The following THSD7B variants were observed in gnomAD, a reference collection of about 807,000 sequenced individuals.
THSD7B encodes thrombospondin type-1 domain-containing protein 7B.
THSD7B carries 138 observed loss-of-function variants against 213.6 expected under a neutral mutation model. The ratio of observed to expected loss-of-function variants is 0.65; its 90% CI spans 0.56 to 0.74. THSD7B has a LOEUF of 0.74. Ranked by LOEUF, THSD7B falls within the 30% of genes least tolerant of loss-of-function variation. The pLI, the probability that THSD7B is intolerant of heterozygous loss-of-function variation, is 0.00. For missense variants in THSD7B, 1,931 were observed against 1,991.5 expected (o/e 0.97, Z 0.58); for synonymous variants, 742 against 687.0 (o/e 1.08, Z -1.25).
chr2:137,521,787 G>A (rs1573682611), intron 15 of THSD7B, among the ~76,000 whole-genome samples: 1 of 152,142 alleles, frequency 6.6e-6, no homozygotes, highest in African/African-American at 2.4e-5. Flanking sequence ...TTAGCATATG[G>A]TCACCATGTC....
chr2:137,117,400 C>T, intron 5 of THSD7B, among the ~76,000 whole-genome samples: 1 of 151,988 alleles, frequency 6.6e-6, no homozygotes, highest in South Asian at 2.1e-4. Context: ...TTTTATCTGT[C>T]AATGCAATAA....
chr2:137,229,993 A>G (rs1681601486), intron 7 of THSD7B, among the ~76,000 whole-genome samples: 1 of 152,182 alleles, frequency 6.6e-6, no homozygotes, highest in Non-Finnish European at 1.5e-5. Context: ...CCTCTCTCCT[A>G]TAGTTGCCAT....
chr2:137,075,367 G>A (rs1005230853), intron 3 of THSD7B, among the ~76,000 whole-genome samples: 7 of 152,018 alleles, frequency 4.6e-5, no homozygotes, highest in Admixed American at 4.6e-4. Context: ...CTTTCTTCCA[G>A]TTGATCGCAT....
chr2:137,313,032 G>A (rs1193292665), intron 12 of THSD7B, among the ~76,000 whole-genome samples: 1 of 150,868 alleles, frequency 6.6e-6, no homozygotes. Flanking sequence ...TCCGCTTGGT[G>A]CAGAGCTGAG....
intron 2 of THSD7B, among the ~76,000 whole-genome samples, chr2:136,980,150 C>T (rs1685549887): frequency 6.6e-6 from 1 of 152,190 alleles, no homozygotes; most frequent in Non-Finnish European, 1.5e-5. Flanking sequence ...TTCCTCTGTG[C>T]AGTGGCCTGA....
At chr2:137,079,903 G>A (rs975941612) in intron 3 of THSD7B, among the ~76,000 whole-genome samples, 2 of 151,910 alleles carry the variant, frequency 1.3e-5, no homozygotes, top group African/African-American at 2.4e-5. Flanking sequence ...GCAGTGGCGT[G>A]TTCTCAGCTC....
intron 2 of THSD7B, among the ~76,000 whole-genome samples, chr2:136,977,801 G>GTTTTTTTTTTTTTTTTTTTTTTTT: frequency 9.4e-6 from 1 of 106,012 alleles, no homozygotes; most frequent in Non-Finnish European, 1.7e-5. Flanking sequence ...TCTTTTCTTT[G>GTTTTTTTTTTTTTTTTTTTTTTTT]TTTTTTTTTT....
chr2:137,307,554 T>C (rs2104855227), intron 12 of THSD7B, among the ~76,000 whole-genome samples: 1 of 152,244 alleles, frequency 6.6e-6, no homozygotes, highest in South Asian at 2.1e-4. Flanking sequence ...TTTGGATAAA[T>C]TGCAGCTTTG....
chr2:137,620,508 G>T (rs367621889), intron 19 of THSD7B, 101 bp from the exon 20 acceptor site: 19 of 826,346 alleles, frequency 2.3e-5, no homozygotes, highest in South Asian at 1.2e-4. Flanking sequence ...ATATGGAAAG[G>T]TTATTATCAC....
chr2:136,891,563 T>C (rs1683860034), intron 2 of THSD7B, among the ~76,000 whole-genome samples: 1 of 152,220 alleles, frequency 6.6e-6, no homozygotes. Context: ...CAGACCTCTC[T>C]TATGTGAAAT....
At chr2:137,335,787 A>C (rs940235272) in intron 12 of THSD7B, among the ~76,000 whole-genome samples, 6 of 152,176 alleles carry the variant, frequency 3.9e-5, no homozygotes, top group African/African-American at 1.4e-4. Flanking sequence ...TGGTGATTAG[A>C]ATTCTAGCTG....
intron 12 of THSD7B, among the ~76,000 whole-genome samples, chr2:137,365,116 ACAT>A (rs1432436681): frequency 6.6e-6 from 1 of 152,212 alleles, no homozygotes. Flanking sequence ...TCTTTGACAA[ACAT>A]GACAAAAACA....
chr2:137,333,828 A>C (rs1483400629), intron 12 of THSD7B, among the ~76,000 whole-genome samples: 1 of 152,210 alleles, frequency 6.6e-6, no homozygotes, highest in Non-Finnish European at 1.5e-5. Flanking sequence ...CAGCAGCCAC[A>C]ATAAGAAAAG....
chr2:136,811,159 T>C (rs1459263361), intron 1 of THSD7B, among the ~76,000 whole-genome samples: 1 of 152,174 alleles, frequency 6.6e-6, no homozygotes, highest in Non-Finnish European at 1.5e-5. Flanking sequence ...TTCCACTGCG[T>C]TCCCCACTGC....
intron 15 of THSD7B, among the ~76,000 whole-genome samples, chr2:137,484,289 C>T (rs916630239): frequency 2.5e-4 from 37 of 148,996 alleles, no homozygotes; most frequent in Admixed American, 1.2e-3. Flanking sequence ...TTTGTTCTTG[C>T]GATAGTTTAC....
At chr2:137,520,603 T>A (rs1234330261) in intron 15 of THSD7B, among the ~76,000 whole-genome samples, 3 of 152,228 alleles carry the variant, frequency 2.0e-5, no homozygotes, top group African/African-American at 7.2e-5. Flanking sequence ...CCAAAGATTC[T>A]TGGGTAGACA....
chr2:137,177,636 G>A (rs1295534102), intron 7 of THSD7B, among the ~76,000 whole-genome samples: 1 of 152,186 alleles, frequency 6.6e-6, no homozygotes, highest in Non-Finnish European at 1.5e-5. Flanking sequence ...GGTGATGCTG[G>A]TGTTGATCCA....
At chr2:137,300,234 AAG>A in intron 12 of THSD7B, among the ~76,000 whole-genome samples, 1 of 152,290 alleles carries the variant, frequency 6.6e-6, no homozygotes, top group Middle Eastern at 3.4e-3. Context: ...TTCTTAACCA[AAG>A]AAAAGTTAAT....
intron 12 of THSD7B, among the ~76,000 whole-genome samples, chr2:137,366,520 T>A (rs1685411954): frequency 6.6e-6 from 1 of 152,242 alleles, no homozygotes; most frequent in South Asian, 2.1e-4. Flanking sequence ...AAAATATTTT[T>A]TATTACAGTT....
Sources: allele counts gnomAD v4.1 joint callset (sites outside exome capture counted in the v4.1 genomes callset), GRCh38; gene constraint gnomAD v4.1.1; transcripts MANE v1.5; gene names NCBI Gene and HGNC (gene_info 2026-07-23, HGNC 2026-07-21).